TAFA4: variants seen among roughly 807,000 people sequenced by gnomAD.
TAFA4 encodes TAFA chemokine like family member 4.
Under a neutral mutation model 21.1 loss-of-function variants are expected in TAFA4, and 20 were observed. The ratio of observed to expected loss-of-function variants is 0.95; its 90% confidence interval spans 0.67 to 1.38. TAFA4 has a LOEUF of 1.38. Among genes scored for constraint, TAFA4 ranks in the 40% most tolerant of loss-of-function variants. The probability of loss-of-function intolerance (pLI) is 0.00; values close to 1 mark genes in which losing one functional copy is unlikely to be tolerated. For synonymous variants in TAFA4, 71 were observed against 67.4 expected (o/e 1.05, Z -0.26); for missense variants, 211 against 180.9 (o/e 1.17, Z -0.95).
chr3:68,844,798 G>T (rs1228786999), intron 3 of TAFA4, among the ~76,000 whole-genome samples: 2 of 152,160 alleles, frequency 1.3e-5, no homozygotes, highest in Admixed American at 1.3e-4. Flanking sequence ...TCAGGAGCAG[G>T]CTGTTCAGTT....
chr3:68,905,121 A>T (rs9866765), intron 1 of TAFA4, among the ~76,000 whole-genome samples: 111,407 of 148,856 alleles, frequency 0.75, 42,186 homozygotes, highest in South Asian at 0.83. Context: ...CTGGGACAGC[A>T]CAATGACCAA....
chr3:68,775,255 T>A (rs1281636300), intron 3 of TAFA4, among the ~76,000 whole-genome samples: 2 of 152,112 alleles, frequency 1.3e-5, no homozygotes, highest in Non-Finnish European at 2.9e-5. Flanking sequence ...TGAGAAAGCT[T>A]GGGGACAGTG....
At chr3:68,925,845 G>A (rs1166740580) in intron 1 of TAFA4, among the ~76,000 whole-genome samples, 1 of 152,130 alleles carries the variant, frequency 6.6e-6, no homozygotes, top group Non-Finnish European at 1.5e-5. Flanking sequence ...TCCTTCCCTA[G>A]CCACAGGTTC....
intron 1 of TAFA4, among the ~76,000 whole-genome samples, chr3:68,901,165 G>A (rs1474730222): frequency 6.6e-6 from 1 of 152,128 alleles, no homozygotes; most frequent in African/African-American, 2.4e-5. Context: ...ACAGAGACAA[G>A]AGTGACACAG....
chr3:68,840,896 G>A (rs1402103943), intron 3 of TAFA4, among the ~76,000 whole-genome samples: 2 of 152,062 alleles, frequency 1.3e-5, no homozygotes, highest in South Asian at 2.1e-4. Context: ...CTGTAATACT[G>A]AACTAAATGG....
At chr3:68,783,053 A>C (rs529304159) in intron 3 of TAFA4, among the ~76,000 whole-genome samples, 1 of 152,366 alleles carries the variant, frequency 6.6e-6, no homozygotes, top group South Asian at 2.1e-4. Flanking sequence ...TAGATGCAGA[A>C]AAAATATTTG....
At chr3:68,799,138 C>A (rs1338120509) in intron 3 of TAFA4, among the ~76,000 whole-genome samples, 1 of 152,136 alleles carries the variant, frequency 6.6e-6, no homozygotes, top group Non-Finnish European at 1.5e-5. Context: ...CGTCCTAATT[C>A]CCAGAATCTT....
At chr3:68,784,814 C>T (rs1200356975) in intron 3 of TAFA4, among the ~76,000 whole-genome samples, 3 of 152,106 alleles carry the variant, frequency 2.0e-5, no homozygotes, top group African/African-American at 4.8e-5. Flanking sequence ...CTGATTGGTG[C>T]GTTTACAACC....
intron 3 of TAFA4, among the ~76,000 whole-genome samples, chr3:68,778,338 T>C (rs963698817): frequency 6.6e-6 from 1 of 152,190 alleles, no homozygotes; most frequent in African/African-American, 2.4e-5. Context: ...GGTCAATATA[T>C]ATCAAGATAA....
intron 3 of TAFA4, among the ~76,000 whole-genome samples, chr3:68,777,985 CT>C (rs1335464063): frequency 3.3e-5 from 5 of 152,080 alleles, no homozygotes; most frequent in African/African-American, 1.2e-4. Context: ...CTAACAATAT[CT>C]TTCTTAGAAA....
intron 4 of TAFA4, among the ~76,000 whole-genome samples, chr3:68,740,048 TTGTGG>T (rs2106729925): frequency 6.6e-6 from 1 of 152,266 alleles, no homozygotes; most frequent in Admixed American, 6.5e-5. Context: ...ATCTCAGGCT[TTGTGG>T]TGGGCTTGCC....
intron 3 of TAFA4, among the ~76,000 whole-genome samples, chr3:68,839,701 T>C (rs187728416): frequency 2.3e-3 from 345 of 152,272 alleles, no homozygotes; most frequent in African/African-American, 7.9e-3. Flanking sequence ...TCTTAATCCA[T>C]TAGAGGAGTT....
chr3:68,773,161 A>G (rs1702989768), intron 3 of TAFA4, among the ~76,000 whole-genome samples: 1 of 152,192 alleles, frequency 6.6e-6, no homozygotes, highest in Non-Finnish European at 1.5e-5. Flanking sequence ...CCCACTTTAG[A>G]TGTCAGGCCA....
Position 68,918,226 on chromosome 3 carries a change from G to A in TAFA4, c.-123+14014C>T, listed in dbSNP as rs1174708120. ...CGAACAAGGAAGGAACACATTCACTGTATGGTAAGAAATGAGAGATGGTCA... is the reference window on the plus strand; with the variant it reads ...CGAACAAGGAAGGAACACATTCACTATATGGTAAGAAATGAGAGATGGTCA... On this transcript the variant is annotated intron_variant, in intron 1 of 5. Transcript: ENST00000295569. Among the ~76,000 whole-genome samples, 4 of 150,258 alleles carry A rather than the reference G, an allele frequency of 2.7e-5. No homozygotes were observed. In the East Asian group the frequency reaches 7.7e-4, roughly 29 times the overall value.
At chr3:68,888,282 G>A (rs1301211474) in intron 1 of TAFA4, among the ~76,000 whole-genome samples, 2 of 152,116 alleles carry the variant, frequency 1.3e-5, no homozygotes, top group African/African-American at 4.8e-5. Flanking sequence ...ATTTCTGCTT[G>A]AGACTTCATC....
chr3:68,742,730 T>C (rs996013976), intron 4 of TAFA4, among the ~76,000 whole-genome samples: 1 of 152,164 alleles, frequency 6.6e-6, no homozygotes, highest in Non-Finnish European at 1.5e-5. Flanking sequence ...ATAAAAAATA[T>C]TTTTAAAAAC....
rs1423847176 is a variant in TAFA4, at chr3:68,880,752, G to C, written c.108C>G (p.Ser36Arg). The C allele has an allele frequency of 4.3e-6, 7 of 1,613,968 alleles. No individual in the cohort carries two copies. The East Asian group carries it at 8.9e-5, about 21-fold the overall frequency. ...TACCTGCATGTCCCCGGAGGTGCTG[G>C]CTTGAGGCGGACATCAGCTTACAGC... ...MVCCKLMSASSQHLRGHAGHH... is the reference protein window; with the variant it reads ...MVCCKLMSASRQHLRGHAGHH... The change falls in exon 3 of 6, where the codon AGC becomes AGG. Residue 36 changes from serine to arginine, a missense_variant. Coordinates refer to ENST00000295569, the MANE Select transcript of TAFA4 (RefSeq NM_182522.5).
chr3:68,795,464 C>G (rs1703438329), intron 3 of TAFA4, among the ~76,000 whole-genome samples: 1 of 152,084 alleles, frequency 6.6e-6, no homozygotes, highest in African/African-American at 2.4e-5. Flanking sequence ...TAGCCACAAC[C>G]ACTGATTTAG....
At chr3:68,853,568 C>T (rs531285806) in intron 3 of TAFA4, among the ~76,000 whole-genome samples, 1 of 152,254 alleles carries the variant, frequency 6.6e-6, no homozygotes, top group African/African-American at 2.4e-5. Context: ...TAATTCCTAT[C>T]CTACTTCTCA....
Sources: allele counts gnomAD v4.1 joint callset (sites outside exome capture counted in the v4.1 genomes callset), GRCh38; gene constraint gnomAD v4.1.1; transcripts MANE v1.5; gene names NCBI Gene and HGNC (gene_info 2026-07-23, HGNC 2026-07-21).